The following SUGCT variants were observed in gnomAD, a reference collection of about 807,000 sequenced individuals.
SUGCT encodes succinyl-CoA:glutarate CoA-transferase.
In SUGCT, 41 loss-of-function variants were observed where a neutral mutation model predicts 55.0. The observed-to-expected ratio is 0.74, with a 90% CI of 0.58 to 0.97. SUGCT has a LOEUF of 0.97. Ranked by LOEUF, SUGCT falls within the 50% of genes least tolerant of loss-of-function variation. SUGCT has a pLI of 0.00. For missense variants in SUGCT, 568 were observed against 547.8 expected (o/e 1.04, Z -0.37); for synonymous variants, 187 against 200.4 (o/e 0.93, Z 0.56).
chr7:40,574,813 T>C (rs1198927985), intron 12 of SUGCT, among the ~76,000 whole-genome samples: 4 of 152,210 alleles, frequency 2.6e-5, no homozygotes, highest in Non-Finnish European at 4.4e-5. Flanking sequence ...TCAAGTACTA[T>C]GTTACAAATA....
intron 4 of SUGCT, 90 bp downstream of exon 4, chr7:40,188,670 C>A: frequency 1.3e-6 from 1 of 755,370 alleles, no homozygotes; most frequent in South Asian, 2.1e-5. Flanking sequence ...TTTTTTCTTC[C>A]TTAAAAAAAT....
chr7:40,764,401 TC>T (rs1273446772), intron 13 of SUGCT, among the ~76,000 whole-genome samples: 1 of 152,174 alleles, frequency 6.6e-6, no homozygotes, highest in African/African-American at 2.4e-5. Flanking sequence ...ACTGCTTATG[TC>T]TTTTACATTC....
At chr7:40,510,333 C>T (rs559943246) in intron 12 of SUGCT, among the ~76,000 whole-genome samples, 2 of 152,238 alleles carry the variant, frequency 1.3e-5, no homozygotes, top group South Asian at 4.1e-4. Context: ...TCTTAAACTA[C>T]TTTCCTTAAA....
chr7:40,277,950 A>G (rs897434275), intron 8 of SUGCT, among the ~76,000 whole-genome samples: 1 of 151,430 alleles, frequency 6.6e-6, no homozygotes, highest in South Asian at 2.1e-4. Context: ...TTGGTTTTTT[A>G]TCCTTGCGAT....
the SUGCT span, among the ~76,000 whole-genome samples, chr7:40,895,059 C>G: frequency 6.6e-6 from 1 of 152,060 alleles, no homozygotes; most frequent in East Asian, 1.9e-4. Context: ...TTAAATCAAC[C>G]TAGATGCCCA....
the SUGCT span, among the ~76,000 whole-genome samples, chr7:40,899,294 A>C: frequency 6.6e-6 from 1 of 152,140 alleles, no homozygotes; most frequent in East Asian, 1.9e-4. Flanking sequence ...CTCAGTGAGC[A>C]ACCTTCCTTA....
chr7:40,935,650 C>T, the SUGCT span, among the ~76,000 whole-genome samples: 1 of 152,134 alleles, frequency 6.6e-6, no homozygotes, highest in Non-Finnish European at 1.5e-5. Flanking sequence ...AATCACTTGA[C>T]AAAAAATGTT....
At position 40,683,334 on chromosome 7, in the gene SUGCT, C is replaced by T. The variant is rs78197907; in HGVS notation, c.1090-66100C>T. Among the ~76,000 whole-genome samples the T allele has an allele frequency of 2.5e-3, 386 of 152,300 alleles. 2 individuals carry two copies. The highest frequency in any genetic ancestry group is 8.6e-3 in the African/African-American group (356 of 41,560). The stretch of plus-strand genomic sequence containing the variant: ...TCTGCAAATGTCGCTTCTCAGAGGG[C>T]TGTGAGAGTAGGTTAGTTTTTCCAC... On this transcript the variant is annotated intron_variant, in intron 12 of 13. Transcript: ENST00000335693.
intron 1 of SUGCT, among the ~76,000 whole-genome samples, chr7:40,138,790 T>C (rs775834530): frequency 2.6e-5 from 4 of 152,214 alleles, no homozygotes; most frequent in Non-Finnish European, 5.9e-5. Context: ...CTCATGGCAG[T>C]ACACAGAAAT....
the SUGCT span, among the ~76,000 whole-genome samples, chr7:40,973,722 TTTTA>T: frequency 6.6e-6 from 1 of 152,252 alleles, no homozygotes; most frequent in East Asian, 1.9e-4. Flanking sequence ...TTCATTTCCT[TTTTA>T]TTTATTCTTC....
At chr7:40,739,766 CT>C (rs1373934506) in intron 12 of SUGCT, among the ~76,000 whole-genome samples, 1 of 152,108 alleles carries the variant, frequency 6.6e-6, no homozygotes, top group Non-Finnish European at 1.5e-5. Context: ...ATTTATGTGT[CT>C]GTCTCTCTGC....
the SUGCT span, among the ~76,000 whole-genome samples, chr7:40,882,661 G>A: frequency 1.5e-3 from 234 of 152,312 alleles, no homozygotes; most frequent in African/African-American, 5.2e-3. Context: ...TAATAAAGAT[G>A]TTACAGGTGA....
intron 12 of SUGCT, among the ~76,000 whole-genome samples, chr7:40,543,210 C>A (rs1176240939): frequency 2.6e-5 from 4 of 152,186 alleles, no homozygotes; most frequent in African/African-American, 9.7e-5. Flanking sequence ...GGGCTTCCAG[C>A]ACCTGCTGTA....
At chr7:40,217,099 CTGT>C (rs1201589460) in intron 6 of SUGCT, among the ~76,000 whole-genome samples, 1 of 152,098 alleles carries the variant, frequency 6.6e-6, no homozygotes, top group East Asian at 1.9e-4. Context: ...GGTTTCTAGT[CTGT>C]TGTCTTAACT....
the SUGCT span, among the ~76,000 whole-genome samples, chr7:40,962,021 G>A: frequency 2.6e-5 from 4 of 152,168 alleles, no homozygotes; most frequent in Non-Finnish European, 5.9e-5. Flanking sequence ...TGCCCAGCTG[G>A]CTTGGGTGGC....
chr7:40,706,950 A>C (rs1233013574), intron 12 of SUGCT, among the ~76,000 whole-genome samples: 2 of 152,170 alleles, frequency 1.3e-5, no homozygotes, highest in Non-Finnish European at 2.9e-5. Flanking sequence ...AGTCTTCACA[A>C]AGATTGTGGT....
Position 40,377,145 on chromosome 7 carries a change from T to C in SUGCT, c.816+60290T>C, listed in dbSNP as rs553195310. Among the ~76,000 whole-genome samples, 8 of 14,032 alleles carry C rather than the reference T, an allele frequency of 5.7e-4. 1 individual carries two copies. The South Asian group carries it at 0.014, about 25-fold the overall frequency. The allele number at this position is 14,032 out of a possible 152,430, so 9.2% of individuals were successfully genotyped here. A position where few individuals can be genotyped will look rare whatever the true frequency, so the allele number is the denominator to read the frequency against. On this transcript the variant is annotated intron_variant, in intron 9 of 13. Transcript: ENST00000335693. The stretch of plus-strand genomic sequence containing the variant: ...CAGCCTTCCTCTTTCTTTCTTTCTT[T>C]CTTTCTTTCTTTCTTTCTTTCTTTC...
intron 13 of SUGCT, among the ~76,000 whole-genome samples, chr7:40,757,142 A>G (rs1198192827): frequency 6.6e-6 from 1 of 152,152 alleles, no homozygotes; most frequent in African/African-American, 2.4e-5. Flanking sequence ...GTGGGGTAGT[A>G]GACATTGTTA....
At chr7:40,852,163 A>C (rs1019310152) in intron 13 of SUGCT, among the ~76,000 whole-genome samples, 1 of 152,220 alleles carries the variant, frequency 6.6e-6, no homozygotes, top group African/African-American at 2.4e-5. Context: ...AAACTTGTCC[A>C]TGCAATCCAT....
Sources: gnomAD v4.1 joint callset for allele counts (sites outside exome capture counted in the v4.1 genomes callset) on GRCh38, gnomAD v4.1.1 for gene constraint, MANE v1.5 for transcripts, NCBI Gene and HGNC (gene_info 2026-07-23, HGNC 2026-07-21) for gene names.